MICU1: variants seen among roughly 807,000 people sequenced by gnomAD.
MICU1 encodes mitochondrial calcium uptake 1.
A neutral mutation model predicts 56.8 loss-of-function variants in MICU1; 45 were observed. That is an observed-to-expected ratio of 0.79 (90% CI 0.62 to 1.02). The LOEUF (loss-of-function observed/expected upper bound fraction) is 1.02, where lower values mean the gene tolerates loss of function less well. Ranked by LOEUF, MICU1 falls within the 50% of genes least tolerant of loss-of-function variation. MICU1 has a pLI of 0.00. For synonymous variants in MICU1, 186 were observed against 195.1 expected, an observed-to-expected ratio of 0.95 and a Z score of 0.39; for missense variants, 504 against 587.1, an observed-to-expected ratio of 0.86 and a Z score of 1.46.
chr10:72,379,939 G>A (rs1862645210), intron 10 of MICU1, among the ~76,000 whole-genome samples: 1 of 152,170 alleles, frequency 6.6e-6, no homozygotes. Context: ...TCAGAGTCGT[G>A]CAGGAAGCCA....
intron 1 of MICU1, among the ~76,000 whole-genome samples, chr10:72,585,144 G>A (rs1471608976): frequency 1.3e-4 from 19 of 149,838 alleles, no homozygotes; most frequent in Admixed American, 1.2e-3. Context: ...CTGGCGTGCA[G>A]TGGTGCAATC....
Position 72,563,035 on chromosome 10 carries a change from C to T in MICU1, c.190G>A (p.Asp64Asn), listed in dbSNP as rs1373235194. ...TCACCGATGTCACTTTTTAGGTTGTCTACACATGGTGGAGATTCTGCATGG... is the reference window on the plus strand; with the variant it reads ...TCACCGATGTCACTTTTTAGGTTGTTTACACATGGTGGAGATTCTGCATGG... ...RAHAESPPCV[D>N]NLKSDIGDKG... Residue 64 changes from aspartate (D) to asparagine (N), a missense_variant, in exon 3 of 12, where the codon GAC becomes AAC. Asp to Asn is a conservative substitution (Grantham distance 23). Coordinates refer to ENST00000361114, the MANE Select transcript of MICU1 (RefSeq NM_001195518.2). 4 of 1,591,302 alleles carry T rather than the reference C, an allele frequency of 2.5e-6. No individual in the cohort carries two copies. Among genetic ancestry groups the T allele is most frequent in the African/African-American group, 1.4e-5 (1 of 73,850 alleles).
At chr10:72,418,306 C>T (rs1864050309) in intron 9 of MICU1, among the ~76,000 whole-genome samples, 1 of 152,154 alleles carries the variant, frequency 6.6e-6, no homozygotes. Context: ...CCTGGACCCA[C>T]CTACTGAGCC....
intron 6 of MICU1, among the ~76,000 whole-genome samples, chr10:72,490,088 A>G (rs773489882): frequency 6.6e-6 from 1 of 152,222 alleles, no homozygotes; most frequent in Non-Finnish European, 1.5e-5. Flanking sequence ...AATAGTGGGA[A>G]AGGAAGAAAT....
chr10:72,380,505 A>C (rs1862666739), intron 10 of MICU1, among the ~76,000 whole-genome samples: 1 of 152,206 alleles, frequency 6.6e-6, no homozygotes, highest in Non-Finnish European at 1.5e-5. Flanking sequence ...TTCAACAGTA[A>C]AAAGAAACCC....
chr10:72,619,728 G>A (rs1321536060), intron 1 of MICU1, among the ~76,000 whole-genome samples: 1 of 152,160 alleles, frequency 6.6e-6, no homozygotes, highest in Non-Finnish European at 1.5e-5. Context: ...GAGGGTAGAG[G>A]GAGGTTCTAC....
At chr10:72,567,651 G>A (rs1168529145) in intron 1 of MICU1, among the ~76,000 whole-genome samples, 2 of 152,166 alleles carry the variant, frequency 1.3e-5, no homozygotes, top group East Asian at 3.9e-4. Flanking sequence ...GCTGACCTTC[G>A]CGATGCCAGG....
At chr10:72,457,699 GGAGA>G (rs760202222) in intron 8 of MICU1, among the ~76,000 whole-genome samples, 36 of 151,794 alleles carry the variant, frequency 2.4e-4, no homozygotes, top group Non-Finnish European at 3.5e-4. Context: ...GGAGGGAGAG[GGAGA>G]GAGAGAAAGA....
chr10:72,577,698 T>C (rs1345787676), intron 1 of MICU1, among the ~76,000 whole-genome samples: 1 of 152,048 alleles, frequency 6.6e-6, no homozygotes, highest in East Asian at 1.9e-4. Flanking sequence ...GTCAAAAAAA[T>C]TGTTTTTGTA....
chr10:72,530,605 GT>G (rs1343480970), intron 5 of MICU1, among the ~76,000 whole-genome samples: 2 of 152,032 alleles, frequency 1.3e-5, no homozygotes, highest in Non-Finnish European at 2.9e-5. Context: ...ATAGTAGATG[GT>G]TTGGAAATGC....
intron 10 of MICU1, chr10:72,379,687 T>G: frequency 3.5e-6 from 1 of 281,934 alleles, no homozygotes; most frequent in South Asian, 2.9e-5. Context: ...GGTTGTAGAA[T>G]AGGGACTTCT....
intron 9 of MICU1, among the ~76,000 whole-genome samples, chr10:72,418,483 A>C (rs760460845): frequency 8.5e-5 from 13 of 152,196 alleles, no homozygotes; most frequent in Non-Finnish European, 1.6e-4. Context: ...TGGATTTTAG[A>C]CCAGACTCTG....
intron 1 of MICU1, among the ~76,000 whole-genome samples, chr10:72,596,167 G>A (rs1841374989): frequency 6.6e-6 from 1 of 151,878 alleles, no homozygotes; most frequent in South Asian, 2.1e-4. Context: ...TGTATTTTTA[G>A]TAGAGATGGG....
chr10:72,498,360 C>T (rs1262924406), intron 6 of MICU1, among the ~76,000 whole-genome samples: 3 of 152,170 alleles, frequency 2.0e-5, no homozygotes, highest in African/African-American at 2.4e-5. Flanking sequence ...CCAAGGTGGG[C>T]GGATCACCTG....
At chr10:72,565,239 C>T (rs1840400117) in intron 2 of MICU1, among the ~76,000 whole-genome samples, 3 of 151,836 alleles carry the variant, frequency 2.0e-5, no homozygotes, top group South Asian at 4.1e-4. Context: ...GGAACCAACC[C>T]AAATGTCCAA....
intron 10 of MICU1, among the ~76,000 whole-genome samples, chr10:72,401,761 C>T (rs574672201): frequency 5.9e-5 from 9 of 152,290 alleles, no homozygotes; most frequent in South Asian, 2.1e-4. Context: ...TTCAAGTGTA[C>T]GATAGGATTA....
intron 8 of MICU1, among the ~76,000 whole-genome samples, chr10:72,458,696 C>T (rs868117238): frequency 2.3e-5 from 3 of 128,296 alleles, no homozygotes; most frequent in Non-Finnish European, 3.4e-5. Flanking sequence ...AATTCAAATG[C>T]GGTTCCTGTT....
At chr10:72,585,094 G>GTT (rs1169762764) in intron 1 of MICU1, among the ~76,000 whole-genome samples, 3 of 133,396 alleles carry the variant, frequency 2.2e-5, no homozygotes, top group Admixed American at 1.5e-4. Context: ...TTTTTTTTTT[G>GTT]TTTTTTTTTT....
At chr10:72,542,792 T>C (rs1380768911) in intron 4 of MICU1, among the ~76,000 whole-genome samples, 1 of 152,226 alleles carries the variant, frequency 6.6e-6, no homozygotes, top group Non-Finnish European at 1.5e-5. Context: ...CCCAAGCTCC[T>C]GTCTGGTGTC....
Sources: gnomAD v4.1 joint callset for allele counts (sites outside exome capture counted in the v4.1 genomes callset) on GRCh38, gnomAD v4.1.1 for gene constraint, MANE v1.5 for transcripts, NCBI Gene and HGNC (gene_info 2026-07-23, HGNC 2026-07-21) for gene names.